OR8G1: variants seen among roughly 807,000 people sequenced by gnomAD.
OR8G1 encodes olfactory receptor 8G1.
For missense variants in OR8G1, 372 were observed against 356.2 expected (o/e 1.04, Z -0.36); for synonymous variants, 129 against 133.3 (o/e 0.97, Z 0.22).
At position 124,250,458 on chromosome 11, in the gene OR8G1, G is replaced by T; in HGVS notation, c.783G>T (p.Gln261His). ...GATCTGCAGCATTCATGTACTTGCA[G>T]CCATCTTCAATCAGCTCCATGGACC... ...FFGSAAFMYL[Q>H]PSSISSMDQG... is the part of the protein sequence containing the mutation. The change falls in exon 3 of 3, where the codon CAG (glutamine) becomes CAT (histidine). Residue 261 changes from glutamine (Q) to histidine (H), a missense_variant. By Grantham distance (24) the Gln-to-His change is conservative. Transcript: ENST00000641972. The T allele has an allele frequency of 2.5e-6, 4 of 1,613,616 alleles. No homozygotes were observed. The highest frequency in any genetic ancestry group is 3.4e-6 in the Non-Finnish European group (4 of 1,179,738).
chr11:124,246,877 AAAAG>A (rs1376441330), intron 1 of OR8G1, among the ~76,000 whole-genome samples: 75,471 of 129,600 alleles, frequency 0.58, 19,955 homozygotes, highest in South Asian at 0.73. Context: ...TAAAAAAAAA[AAAAG>A]GCCCCACATC....
rs566972724 is a variant in OR8G1, at chr11:124,252,310, A to C, written c.*1699A>C. The C allele has an allele frequency of 6.6e-6, 1 of 152,188 alleles. No individual in the cohort carries two copies. The highest frequency in any genetic ancestry group is 1.9e-4 in the East Asian group (1 of 5,192). The allele number at this position is 152,188 out of a possible 1,614,324, so 9.4% of individuals were successfully genotyped here. A position where few individuals can be genotyped will look rare whatever the true frequency, so the allele number is the denominator to read the frequency against. ...ATTTCTTTAAGCTTATTTACTTATTACTTATTTGCTATTACTAGTGTATCT... is the reference window on the plus strand; with the variant it reads ...ATTTCTTTAAGCTTATTTACTTATTCCTTATTTGCTATTACTAGTGTATCT... On this transcript the variant is annotated 3_prime_UTR_variant, in exon 3 of 3. Coordinates refer to ENST00000641972, the MANE Select transcript of OR8G1 (RefSeq NM_001002905.2).
intron 2 of OR8G1, 59 bp downstream of exon 2, chr11:124,247,939 A>C (rs1214519914): frequency 6.6e-6 from 1 of 151,998 alleles, no homozygotes; most frequent in Non-Finnish European, 1.5e-5. Context: ...TTTATACTAA[A>C]TTGCCAACAT....
chr11:124,246,487 A>G (rs1009740893), intron 1 of OR8G1, among the ~76,000 whole-genome samples: 44 of 152,054 alleles, frequency 2.9e-4, no homozygotes, highest in African/African-American at 1.0e-3. Flanking sequence ...GGCAAGATAC[A>G]TTACTAAATC....
In OR8G1 at chr11:124,249,638, TTTG is replaced by T. The variant is rs756992232; in HGVS notation, c.-16-19_-16-17del. Reference sequence around the variant, plus strand: ...TCCCACAACCATGGGGTTTTTTTGTTTTGTTTTTTCTCTTCCTGCAGAAACTGA... The same window carrying T: ...TCCCACAACCATGGGGTTTTTTTGTTTTTTTTCTCTTCCTGCAGAAACTGA... On this transcript the variant is annotated intron_variant, in intron 2 of 2. Coordinates refer to ENST00000641972, the MANE Select transcript of OR8G1 (RefSeq NM_001002905.2). 54 of 1,567,220 alleles carry T rather than the reference TTTG, an allele frequency of 3.4e-5. No homozygotes were observed. Among genetic ancestry groups the T allele is most frequent in the Non-Finnish European group, 3.2e-5 (37 of 1,159,682 alleles).
In OR8G1 at chr11:124,250,511, C is replaced by T; in HGVS notation, c.836C>T (p.Thr279Ile). The change falls in exon 3 of 3, where the codon ACT (threonine) becomes ATT (isoleucine). Residue 279 changes from threonine to isoleucine, a missense_variant. Transcript: ENST00000641972. Reference sequence around the variant, plus strand: ...GGGAAAGTATCCTCTGTGTTTTATACTATTATTGTGCCCATGTTGAACCCT... The same window carrying T: ...GGGAAAGTATCCTCTGTGTTTTATATTATTATTGTGCCCATGTTGAACCCT... ...DQGKVSSVFYTIIVPMLNPLI... is the reference protein window; with the variant it reads ...DQGKVSSVFYIIIVPMLNPLI... 6.2e-7 allele frequency: 1 copy of T among 1,613,478 alleles called. No homozygotes were observed. Among genetic ancestry groups the T allele is most frequent in the Non-Finnish European group, 8.5e-7 (1 of 1,179,634 alleles).
chr11:124,250,416 G>A lies in OR8G1; in HGVS notation c.741G>A (p.Ala247=), dbSNP rs749328004. 19 of 1,613,596 alleles carry A rather than the reference G, an allele frequency of 1.2e-5. No homozygotes were observed. Among genetic ancestry groups the A allele is most frequent in the East Asian group, 4.5e-5 (2 of 44,890 alleles). The stretch of plus-strand genomic sequence containing the variant: ...GCACTTGTAGCTCCCACATGTTGGC[G>A]GTTGTAATCTTTTTTGGATCTGCAG... ...AFSTCSSHML[A]VVIFFGSAAF... is the part of the protein sequence containing the mutation. Residue 247 remains alanine (A), a synonymous_variant, in exon 3 of 3, where the codon GCG becomes GCA. Transcript: ENST00000641972.
chr11:124,244,585 A>T (rs1034001367), intron 1 of OR8G1, among the ~76,000 whole-genome samples: 22,098 of 151,758 alleles, frequency 0.15, 1,693 homozygotes, highest in African/African-American at 0.2. Context: ...TGACAAAAAA[A>T]GTTCCCTGAT....
chr11:124,241,436 A>T (rs1048042764), intron 1 of OR8G1, 72 bp downstream of exon 1: 4 of 152,124 alleles, frequency 2.6e-5, no homozygotes, highest in African/African-American at 9.7e-5. Flanking sequence ...AAAAATCAGG[A>T]AACTATTATT....
chr11:124,252,285 A>T lies in OR8G1; in HGVS notation c.*1674A>T, dbSNP rs1861873296. 1 of 152,150 alleles carries T rather than the reference A, an allele frequency of 6.6e-6. No homozygotes were observed. The highest frequency in any genetic ancestry group is 2.1e-4 in the South Asian group (1 of 4,832). 9.4% of individuals were successfully genotyped at this position (152,150 alleles called of 1,614,324 possible). On this transcript the variant is annotated 3_prime_UTR_variant, in exon 3 of 3. Coordinates refer to ENST00000641972, the MANE Select transcript of OR8G1 (RefSeq NM_001002905.2). ...CTTCCATGTGGAGCCAAGTTAAATG[A>T]TTTCTTTAAGCTTATTTACTTATTA...
intron 2 of OR8G1, 57 bp from the exon 3 acceptor site, chr11:124,249,603 A>G: frequency 1.4e-6 from 2 of 1,478,424 alleles, no homozygotes; most frequent in South Asian, 1.4e-5. Context: ...ATGAAGAATA[A>G]TAAAGTCCCT....
rs1861863329 is a variant in OR8G1 at position 124,250,727 on chromosome 11, A to G, written c.*116A>G. The G allele has an allele frequency of 1.3e-5, 5 of 395,938 alleles. 2 individuals carry two copies. The highest frequency in any genetic ancestry group is 6.8e-5 in the African/African-American group (2 of 29,298). The allele number at this position is 395,938 out of a possible 1,614,324, so 24.5% of individuals were successfully genotyped here. On this transcript the variant is annotated 3_prime_UTR_variant, in exon 3 of 3. Coordinates refer to ENST00000641972, the MANE Select transcript of OR8G1 (RefSeq NM_001002905.2). ...ATAATTTTTACCATTTGGTGAGATT[A>G]TATTACCATTATTTTTTCATTTCAT...
At position 124,251,536 on chromosome 11, in the gene OR8G1, T is replaced by C. The variant is rs1861867842; in HGVS notation, c.*925T>C. ...CTAAGATGTATGTGTATTTGTTCTG[T>C]GAAAAATCCCAATGCAGATATGATA... On this transcript the variant is annotated 3_prime_UTR_variant, in exon 3 of 3. Transcript: ENST00000641972. 2 of 423,294 alleles carry C rather than the reference T, an allele frequency of 4.7e-6. No homozygotes were observed. Among genetic ancestry groups the C allele is most frequent in the African/African-American group, 3.9e-5 (2 of 51,698 alleles). 26.2% of individuals were successfully genotyped at this position (423,294 alleles called of 1,614,324 possible). A position where few individuals can be genotyped will look rare whatever the true frequency, so the allele number is the denominator to read the frequency against.
At chr11:124,248,010 C>T (rs749587034) in intron 2 of OR8G1, 130 bp downstream of exon 2, 1 of 151,922 alleles carries the variant, frequency 6.6e-6, no homozygotes, top group Non-Finnish European at 1.5e-5. Flanking sequence ...CCAGTTACTT[C>T]ACACCAACAT....
At position 124,253,920 on chromosome 11, in the gene OR8G1, A is replaced by C. The variant is rs1591393668; in HGVS notation, c.*3309A>C. 1 of 152,172 alleles carries C rather than the reference A, an allele frequency of 6.6e-6. No individual in the cohort carries two copies. Among genetic ancestry groups the C allele is most frequent in the Admixed American group, 6.6e-5 (1 of 15,262 alleles). 9.4% of individuals were successfully genotyped at this position (152,172 alleles called of 1,614,324 possible). On this transcript the variant is annotated 3_prime_UTR_variant, in exon 3 of 3. Coordinates refer to ENST00000641972, the MANE Select transcript of OR8G1 (RefSeq NM_001002905.2). ...TTATTCCATTGTGCACATATACCAC[A>C]TTTTGTTTATCCATTCTTCCTAAGC...
At position 124,249,861 on chromosome 11, in the gene OR8G1, C is replaced by T. The variant is rs375001219; in HGVS notation, c.186C>T (p.Phe62=). 7 of 1,613,560 alleles carry T rather than the reference C, an allele frequency of 4.3e-6. No homozygotes were observed. In the African/African-American group the frequency reaches 8.0e-5, roughly 19 times the overall value. Reference sequence around the variant, plus strand: ...ACCTGCACACCCCTATGTACTATTTCCTCAGCAGTCTGTCCTTCATTGACT... The same window carrying T: ...ACCTGCACACCCCTATGTACTATTTTCTCAGCAGTCTGTCCTTCATTGACT... ...SSHLHTPMYY[F]LSSLSFIDFC... Residue 62 remains phenylalanine (F), a synonymous_variant, in exon 3 of 3, where the codon TTC becomes TTT. Transcript: ENST00000641972.
At chr11:124,245,503 G>GAC in intron 1 of OR8G1, among the ~76,000 whole-genome samples, 1 of 108,264 alleles carries the variant, frequency 9.2e-6, no homozygotes. Flanking sequence ...ATAGCAGCAT[G>GAC]ATTTATAGTC....
chr11:124,247,614 G>GT (rs1861824332), intron 1 of OR8G1, among the ~76,000 whole-genome samples, 187 bp from the exon 2 acceptor site: 1 of 151,720 alleles, frequency 6.6e-6, no homozygotes, highest in South Asian at 2.1e-4. Context: ...CAAAAAATAT[G>GT]TTTTTGAGAT....
Position 124,253,625 on chromosome 11 carries a change from T to A in OR8G1, c.*3014T>A, listed in dbSNP as rs1861883925. On this transcript the variant is annotated 3_prime_UTR_variant, in exon 3 of 3. Transcript: ENST00000641972. ...GTGGTGAGAACACTAATCCAATAGATTTTTATTACTATAGTTACCATTTAT... is the reference window on the plus strand; with the variant it reads ...GTGGTGAGAACACTAATCCAATAGAATTTTATTACTATAGTTACCATTTAT... 6.6e-6 allele frequency: 1 copy of A among 150,920 alleles called. No individual in the cohort carries two copies. 9.3% of individuals were successfully genotyped at this position (150,920 alleles called of 1,614,324 possible).
Sources: allele counts gnomAD v4.1 joint callset (sites outside exome capture counted in the v4.1 genomes callset), GRCh38; gene constraint gnomAD v4.1.1; transcripts MANE v1.5; gene names NCBI Gene and HGNC (gene_info 2026-07-23, HGNC 2026-07-21).